Variants in CDH12 observed in about 807,000 individuals in gnomAD.
CDH12 encodes the protein cadherin 12.
A neutral mutation model predicts 74.1 loss-of-function variants in CDH12; 41 were observed. The ratio of observed to expected loss-of-function variants is 0.55; its 90% CI spans 0.43 to 0.72. The LOEUF is 0.72. Ranked by LOEUF, CDH12 falls within the 30% of genes least tolerant of loss-of-function variation. The probability of loss-of-function intolerance (pLI) is 0.00; values close to 1 mark genes in which losing one functional copy is unlikely to be tolerated. For synonymous variants in CDH12, 399 were observed against 355.0 expected, an observed-to-expected ratio of 1.12 and a Z score of -1.39; for missense variants, 945 against 977.2, an observed-to-expected ratio of 0.97 and a Z score of 0.44.
chr5:22,448,183 G>A (rs1283670228), intron 2 of CDH12, among the ~76,000 whole-genome samples: 3 of 151,092 alleles, frequency 2.0e-5, no homozygotes, highest in African/African-American at 7.3e-5. Flanking sequence ...TTATATGTGT[G>A]TGTGTATGTA....
chr5:22,844,954 C>G (rs1341084117), intron 1 of CDH12, among the ~76,000 whole-genome samples: 2 of 152,062 alleles, frequency 1.3e-5, no homozygotes, highest in African/African-American at 4.8e-5. Context: ...CTTCTCTGTT[C>G]TCTTCATATA....
At chr5:22,814,348 TAAC>T (rs1749289241) in intron 1 of CDH12, among the ~76,000 whole-genome samples, 3 of 152,168 alleles carry the variant, frequency 2.0e-5, no homozygotes, top group Admixed American at 2.0e-4. Flanking sequence ...AAAATTTTTA[TAAC>T]AACTACATAT....
At chr5:22,810,186 G>C (rs919446593) in intron 1 of CDH12, among the ~76,000 whole-genome samples, 1 of 152,054 alleles carries the variant, frequency 6.6e-6, no homozygotes, top group African/African-American at 2.4e-5. Flanking sequence ...AACTGCCTTT[G>C]GGACAAGTTC....
intron 5 of CDH12, among the ~76,000 whole-genome samples, chr5:22,070,628 C>T (rs968530319): frequency 1.3e-5 from 2 of 152,128 alleles, no homozygotes; most frequent in African/African-American, 2.4e-5. Flanking sequence ...CGATTAGAGG[C>T]CCCACTGCAG....
At chr5:22,820,411 T>C (rs1400080653) in intron 1 of CDH12, among the ~76,000 whole-genome samples, 4 of 152,106 alleles carry the variant, frequency 2.6e-5, no homozygotes, top group East Asian at 3.9e-4. Context: ...TGATAGTGAA[T>C]AAGTCTCATG....
intron 1 of CDH12, among the ~76,000 whole-genome samples, chr5:22,535,602 G>A (rs1737811149): frequency 6.6e-6 from 1 of 152,116 alleles, no homozygotes. Flanking sequence ...GAAAGAATTT[G>A]ATTTAAAAAG....
At chr5:22,187,966 TG>T (rs1750061821) in intron 4 of CDH12, among the ~76,000 whole-genome samples, 1 of 152,134 alleles carries the variant, frequency 6.6e-6, no homozygotes, top group South Asian at 2.1e-4. Context: ...TTTGTCTTGC[TG>T]GTCCTCTGGA....
chr5:22,645,989 G>C (rs1269563512), intron 1 of CDH12, among the ~76,000 whole-genome samples: 1 of 151,650 alleles, frequency 6.6e-6, no homozygotes, highest in Non-Finnish European at 1.5e-5. Flanking sequence ...ACCTTATTGG[G>C]ATATTTGTTT....
intron 6 of CDH12, among the ~76,000 whole-genome samples, chr5:21,864,129 A>ATGTGTGTGTGAG (rs144392885): frequency 8.0e-5 from 12 of 149,696 alleles, no homozygotes; most frequent in African/African-American, 2.7e-4. Flanking sequence ...CAGAAAGAAT[A>ATGTGTGTGTGAG]TGTGTGTGTG....
intron 1 of CDH12, among the ~76,000 whole-genome samples, chr5:22,535,216 G>A (rs1373829278): frequency 7.3e-6 from 1 of 137,790 alleles, no homozygotes; most frequent in South Asian, 2.3e-4. Context: ...CTGCAGTGGC[G>A]CGGTCTTGGC....
At chr5:22,477,016 G>T (rs1180689815) in intron 2 of CDH12, among the ~76,000 whole-genome samples, 1 of 152,056 alleles carries the variant, frequency 6.6e-6, no homozygotes. Context: ...TGTAACTGGA[G>T]AATTATTAGG....
At chr5:22,551,723 A>G (rs1279936944) in intron 1 of CDH12, among the ~76,000 whole-genome samples, 1 of 145,316 alleles carries the variant, frequency 6.9e-6, no homozygotes, top group South Asian at 2.2e-4. Context: ...GCAACCCATT[A>G]TAAAAAAAAT....
Position 22,758,539 on chromosome 5 carries a change from T to G in CDH12, c.-523+94519A>C, listed in dbSNP as rs138028276. 6.6e-5 allele frequency among the ~76,000 whole-genome samples: 10 copies of G among 152,008 alleles called. No individual in the cohort carries two copies. The East Asian group carries it at 1.2e-3, about 18-fold the overall frequency. ...TCTAACATCCATTTGATTTATAGTT[T>G]TTTTTTTTTTCCTTTTTTGACAGAA... On this transcript the variant is annotated intron_variant, in intron 1 of 14. Coordinates refer to ENST00000382254, the MANE Select transcript of CDH12 (RefSeq NM_004061.5).
intron 6 of CDH12, among the ~76,000 whole-genome samples, chr5:21,937,237 G>GCCTT (rs904007201): frequency 3.9e-5 from 6 of 152,168 alleles, no homozygotes; most frequent in African/African-American, 1.2e-4. Flanking sequence ...GGTGACTGAG[G>GCCTT]CCTTATATGT....
chr5:22,118,442 G>A lies in CDH12; in HGVS notation c.-186-39580C>T, dbSNP rs929414820. Among the ~76,000 whole-genome samples, 3 of 151,876 alleles carry A rather than the reference G, an allele frequency of 2.0e-5. 1 individual carries two copies. The highest frequency in any genetic ancestry group is 1.5e-5 in the Non-Finnish European group (1 of 67,968). ...TGCTACAATAACCTCTTGTGACTCT[G>A]GCCTAGACTGCTATACACCACTTCA... is the stretch of plus-strand genomic sequence containing the variant. On this transcript the variant is annotated intron_variant, in intron 4 of 14. Coordinates refer to ENST00000382254, the MANE Select transcript of CDH12 (RefSeq NM_004061.5).
intron 6 of CDH12, chr5:21,883,949 A>G (rs1752496379): frequency 6.2e-6 from 10 of 1,608,024 alleles, no homozygotes; most frequent in Non-Finnish European, 7.7e-6. Flanking sequence ...CCTTGGACTC[A>G]TTGACTCCAG....
chr5:22,471,210 A>C (rs1049649500), intron 2 of CDH12, among the ~76,000 whole-genome samples: 1 of 152,230 alleles, frequency 6.6e-6, no homozygotes, highest in Admixed American at 6.5e-5. Context: ...CCCTAAAGGT[A>C]TGAATGTTCT....
At chr5:22,156,821 A>G (rs1748047512) in intron 4 of CDH12, among the ~76,000 whole-genome samples, 1 of 152,152 alleles carries the variant, frequency 6.6e-6, no homozygotes, top group South Asian at 2.1e-4. Context: ...CATTTTTTAC[A>G]TATGCATAAT....
At chr5:21,946,096 G>A (rs1755566332) in intron 6 of CDH12, among the ~76,000 whole-genome samples, 1 of 152,086 alleles carries the variant, frequency 6.6e-6, no homozygotes, top group Admixed American at 6.6e-5. Context: ...ATGAAGGTTG[G>A]AAGGAAACAG....
Sources: allele counts gnomAD v4.1 joint callset (sites outside exome capture counted in the v4.1 genomes callset), GRCh38; gene constraint gnomAD v4.1.1; transcripts MANE v1.5; gene names NCBI Gene and HGNC (gene_info 2026-07-23, HGNC 2026-07-21).